Variants in TOX observed in about 807,000 individuals in gnomAD.
TOX encodes the protein thymocyte selection-associated high mobility group box protein TOX.
In TOX, 11 loss-of-function variants were observed where a neutral mutation model predicts 53.7. The ratio of observed to expected loss-of-function variants is 0.20; its 90% CI spans 0.13 to 0.34. The LOEUF (loss-of-function observed/expected upper bound fraction) is 0.34, where lower values mean the gene tolerates loss of function less well. Among genes scored for constraint, TOX ranks in the 10% least tolerant of loss-of-function variants. The pLI is 1.00. For missense variants in TOX, 570 were observed against 664.6 expected (o/e 0.86, Z 1.56); for synonymous variants, 225 against 245.3 (o/e 0.92, Z 0.77).
chr8:58,931,226 G>A (rs911640632), intron 3 of TOX, among the ~76,000 whole-genome samples: 5 of 151,972 alleles, frequency 3.3e-5, no homozygotes, highest in Admixed American at 6.6e-5. Flanking sequence ...AAACATCCAC[G>A]TAGAGGCAGA....
In TOX at chr8:59,000,194, G is replaced by T. The variant is rs528891784; in HGVS notation, c.103-40186C>A. Among the ~76,000 whole-genome samples the T allele has an allele frequency of 5.9e-5, 9 of 152,248 alleles. No homozygotes were observed. In the South Asian group the frequency reaches 1.9e-3, roughly 32 times the overall value. On this transcript the variant is annotated intron_variant, in intron 1 of 8. Coordinates refer to ENST00000361421, the MANE Select transcript of TOX (RefSeq NM_014729.3). ...TGGAGGAAATAAAAAGAATAGATGT[G>T]TATATTCAGTTCTTACAGATAATAG...
In TOX at chr8:58,948,501, C is replaced by A. The variant is rs554641528; in HGVS notation, c.169-8957G>T. ...CCTCTCCTTTGGCTAAAAAAATCCCCAAGCTTTTGGAAAACAAATAATGTA... is the reference window on the plus strand; with the variant it reads ...CCTCTCCTTTGGCTAAAAAAATCCCAAAGCTTTTGGAAAACAAATAATGTA... On this transcript the variant is annotated intron_variant, in intron 2 of 8. Transcript: ENST00000361421. 2.0e-5 allele frequency among the ~76,000 whole-genome samples: 3 copies of A among 152,178 alleles called. No homozygotes were observed. In the South Asian group the frequency reaches 6.2e-4, roughly 32 times the overall value.
chr8:58,833,749 C>T (rs1810503419), intron 5 of TOX, among the ~76,000 whole-genome samples: 1 of 152,148 alleles, frequency 6.6e-6, no homozygotes, highest in African/African-American at 2.4e-5. Context: ...GCATTTAAAA[C>T]CCCCGGTTGG....
At chr8:58,998,542 T>C (rs868128795) in intron 1 of TOX, among the ~76,000 whole-genome samples, 1,485 of 130,550 alleles carry the variant, frequency 0.011, 83 homozygotes, top group South Asian at 0.05. Context: ...TATATATAAA[T>C]TTATATATAA....
intron 1 of TOX, among the ~76,000 whole-genome samples, chr8:58,986,880 C>T (rs564065961): frequency 1.3e-5 from 2 of 152,190 alleles, no homozygotes; most frequent in Admixed American, 6.5e-5. Context: ...AAGAGAGAAG[C>T]AAGCTTCCTG....
chr8:58,994,797 G>A (rs1006914119), intron 1 of TOX, among the ~76,000 whole-genome samples: 1 of 152,122 alleles, frequency 6.6e-6, no homozygotes, highest in Non-Finnish European at 1.5e-5. Context: ...CACATTCAAG[G>A]TCATGTCGGA....
At chr8:58,826,720 T>C in intron 6 of TOX, 102 bp downstream of exon 6, 1 of 963,034 alleles carries the variant, frequency 1.0e-6, no homozygotes, top group Non-Finnish European at 1.5e-6. Context: ...CAAAGAAGAT[T>C]GTGCAGAATC....
chr8:59,059,891 T>C (rs1803949384), intron 1 of TOX, among the ~76,000 whole-genome samples: 1 of 145,654 alleles, frequency 6.9e-6, no homozygotes, highest in African/African-American at 2.4e-5. Flanking sequence ...TGTTTCCACC[T>C]TTTATGTTAT....
chr8:59,070,396 C>T (rs1799206770), intron 1 of TOX, among the ~76,000 whole-genome samples: 1 of 152,040 alleles, frequency 6.6e-6, no homozygotes, highest in Non-Finnish European at 1.5e-5. Context: ...ATCTATGCTT[C>T]TATTTATCAT....
At chr8:59,090,688 G>T (rs1238035098) in intron 1 of TOX, among the ~76,000 whole-genome samples, 1 of 152,086 alleles carries the variant, frequency 6.6e-6, no homozygotes, top group African/African-American at 2.4e-5. Context: ...CTTTTGGTTA[G>T]CTCCTTTCCC....
intron 5 of TOX, among the ~76,000 whole-genome samples, chr8:58,831,883 C>A (rs1285785413): frequency 2.6e-5 from 4 of 152,052 alleles, no homozygotes; most frequent in African/African-American, 9.7e-5. Context: ...GACTGATATA[C>A]AGGTATACAA....
intron 1 of TOX, among the ~76,000 whole-genome samples, chr8:59,015,577 T>A (rs1813992661): frequency 6.6e-6 from 1 of 152,232 alleles, no homozygotes; most frequent in Admixed American, 6.5e-5. Context: ...ATTTCGTAAT[T>A]ACGATTATAA....
intron 3 of TOX, among the ~76,000 whole-genome samples, chr8:58,936,862 C>G (rs563927442): frequency 6.6e-6 from 1 of 152,162 alleles, no homozygotes; most frequent in Non-Finnish European, 1.5e-5. Flanking sequence ...AACACAGTAG[C>G]TGCTGGGTGA....
chr8:59,108,523 C>T (rs1050895866), intron 1 of TOX, among the ~76,000 whole-genome samples: 4 of 152,164 alleles, frequency 2.6e-5, no homozygotes, highest in Non-Finnish European at 5.9e-5. Flanking sequence ...TACCATTGTA[C>T]ATTATGTGCT....
intron 3 of TOX, among the ~76,000 whole-genome samples, chr8:58,925,043 G>A (rs1438776505): frequency 6.6e-6 from 1 of 152,098 alleles, no homozygotes; most frequent in Non-Finnish European, 1.5e-5. Flanking sequence ...GATGCACCTC[G>A]TGCACAGCCA....
At chr8:58,987,346 C>G (rs1011579845) in intron 1 of TOX, among the ~76,000 whole-genome samples, 2 of 152,154 alleles carry the variant, frequency 1.3e-5, no homozygotes, top group Non-Finnish European at 2.9e-5. Flanking sequence ...AATGCAGGGA[C>G]AACAGATGCC....
Position 58,838,268 on chromosome 8 carries a change from T to C in TOX, c.737A>G (p.Lys246Arg). ...CTTCTTCTTTTTGGGAGTTTTTGGTTTTTTCCCCATATCAGAGGCAGGCCG... is the reference window on the plus strand; with the variant it reads ...CTTCTTCTTTTTGGGAGTTTTTGGTCTTTTCCCCATATCAGAGGCAGGCCG... ...EKRPASDMGK[K>R]PKTPKKKKKK... Residue 246 changes from lysine to arginine, a missense_variant, in exon 5 of 9, where the codon AAA becomes AGA. Lys to Arg is a conservative substitution (Grantham distance 26). Around this residue, in one of 3 missense-constraint regions of TOX, gnomAD observed 282 missense variants for 315.0 expected, o/e 0.90. Transcript: ENST00000361421. 1 of 1,614,024 alleles carries C rather than the reference T, an allele frequency of 6.2e-7. No homozygotes were observed. The highest frequency in any genetic ancestry group is 8.5e-7 in the Non-Finnish European group (1 of 1,179,996).
At chr8:59,044,214 C>A in intron 1 of TOX, among the ~76,000 whole-genome samples, 1 of 138,416 alleles carries the variant, frequency 7.2e-6, no homozygotes. Context: ...TCCATTTTCC[C>A]TTTCATGGCA....
chr8:58,826,268 C>T lies in TOX; in HGVS notation c.1005+554G>A, dbSNP rs115007860. Among the ~76,000 whole-genome samples, 571 of 152,266 alleles carry T rather than the reference C, an allele frequency of 3.8e-3. 5 individuals are homozygous for T. The highest frequency in any genetic ancestry group is 0.013 in the African/African-American group (534 of 41,550). On this transcript the variant is annotated intron_variant, in intron 6 of 8. Transcript: ENST00000361421. ...AGTTACCTTCTGAAGAATTCCATAA[C>T]GGGAATTGTATCTTTAATAACATGA...
Sources: gnomAD v4.1 joint callset for allele counts (sites outside exome capture counted in the v4.1 genomes callset) on GRCh38, gnomAD v4.1.1 for gene constraint, gnomAD v4.1.1 regional missense constraint, MANE v1.5 for transcripts, NCBI Gene and HGNC (gene_info 2026-07-23, HGNC 2026-07-21) for gene names.